ERC2: variants seen among roughly 807,000 people sequenced by gnomAD.
ERC2 encodes the protein ERC protein 2.
A neutral mutation model predicts 114.8 loss-of-function variants in ERC2; 42 were observed. The observed-to-expected ratio is 0.37, with a 90% confidence interval of 0.29 to 0.47. The LOEUF (loss-of-function observed/expected upper bound fraction) is 0.47, where lower values mean the gene tolerates loss of function less well. Among genes scored for constraint, ERC2 ranks in the 20% least tolerant of loss-of-function variants. ERC2 has a pLI of 0.99. For synonymous variants in ERC2, 454 were observed against 425.5 expected (o/e 1.07, Z -0.82); for missense variants, 939 against 1,150.7 (o/e 0.82, Z 2.66).
intron 3 of ERC2, among the ~76,000 whole-genome samples, chr3:56,273,328 T>C (rs2150301262): frequency 6.7e-6 from 1 of 148,426 alleles, no homozygotes; most frequent in African/African-American, 2.5e-5. Flanking sequence ...GTGGTGATCA[T>C]AGCTCACCTG....
intron 12 of ERC2, among the ~76,000 whole-genome samples, chr3:55,965,096 C>T (rs923640466): frequency 6.6e-6 from 1 of 152,192 alleles, no homozygotes; most frequent in Admixed American, 6.5e-5. Context: ...GCAACCATCA[C>T]CTTTGCCATA....
At chr3:55,760,731 C>T (rs186386029) in intron 14 of ERC2, among the ~76,000 whole-genome samples, 89 of 152,238 alleles carry the variant, frequency 5.8e-4, no homozygotes, top group Non-Finnish European at 2.4e-4. Flanking sequence ...GTTCAGTGCA[C>T]GTGAACACGC....
chr3:56,317,284 T>C (rs1411321342), intron 2 of ERC2, among the ~76,000 whole-genome samples: 3 of 152,064 alleles, frequency 2.0e-5, no homozygotes, highest in Non-Finnish European at 4.4e-5. Flanking sequence ...CAAAGGCACA[T>C]ATATATATAC....
At chr3:56,309,183 T>A (rs1000936257) in intron 2 of ERC2, among the ~76,000 whole-genome samples, 3 of 152,150 alleles carry the variant, frequency 2.0e-5, no homozygotes, top group African/African-American at 7.2e-5. Flanking sequence ...TCTTTTGGGG[T>A]AGAATACCCC....
At chr3:55,594,747 G>A (rs539988918) in intron 17 of ERC2, among the ~76,000 whole-genome samples, 8 of 152,154 alleles carry the variant, frequency 5.3e-5, no homozygotes, top group Non-Finnish European at 8.8e-5. Context: ...GCCTCCTAAA[G>A]TGCTAGGATT....
chr3:56,138,412 A>T (rs946646922), intron 6 of ERC2, among the ~76,000 whole-genome samples: 3 of 152,166 alleles, frequency 2.0e-5, no homozygotes, highest in African/African-American at 7.2e-5. Flanking sequence ...GACCAAGGTG[A>T]TTGTTTCGAA....
Position 56,004,623 on chromosome 3 carries a change from G to A in ERC2, c.2061+2558C>T, listed in dbSNP as rs140234297. The stretch of plus-strand genomic sequence containing the variant: ...AAGACAAAAATAAGTTTAAATCACC[G>A]TTTGGATTTCATTGCCACTGGCAGA... On this transcript the variant is annotated intron_variant, in intron 10 of 17. Coordinates refer to ENST00000288221, the MANE Select transcript of ERC2 (RefSeq NM_015576.3). Among the ~76,000 whole-genome samples, 869 of 152,028 alleles carry A rather than the reference G, an allele frequency of 5.7e-3. 3 individuals are homozygous for A. Among genetic ancestry groups the A allele is most frequent in the Non-Finnish European group, 9.7e-3 (656 of 67,916 alleles).
chr3:55,823,704 A>G (rs1035161997), intron 14 of ERC2, among the ~76,000 whole-genome samples: 5 of 151,888 alleles, frequency 3.3e-5, no homozygotes, highest in African/African-American at 1.2e-4. Flanking sequence ...TACTAAACTC[A>G]TTTTTTCTTC....
chr3:56,171,618 T>C (rs2150019340), intron 4 of ERC2, among the ~76,000 whole-genome samples: 1 of 152,308 alleles, frequency 6.6e-6, no homozygotes, highest in South Asian at 2.1e-4. Flanking sequence ...CAAGTTTCTC[T>C]GCCTTCCCAT....
intron 6 of ERC2, among the ~76,000 whole-genome samples, chr3:56,122,390 G>A (rs964800287): frequency 6.6e-6 from 1 of 152,102 alleles, no homozygotes; most frequent in Non-Finnish European, 1.5e-5. Flanking sequence ...GAGAAGGGGT[G>A]CAACTTCAGT....
chr3:55,788,693 G>A (rs1054533667), intron 14 of ERC2, among the ~76,000 whole-genome samples: 14 of 152,202 alleles, frequency 9.2e-5, no homozygotes, highest in African/African-American at 2.7e-4. Context: ...TTTCCCAGAT[G>A]TCAACATAAA....
intron 17 of ERC2, among the ~76,000 whole-genome samples, chr3:55,581,372 G>A (rs1433350457): frequency 6.6e-6 from 1 of 152,158 alleles, no homozygotes; most frequent in East Asian, 1.9e-4. Flanking sequence ...CCCTCAAGGT[G>A]AGTTTATATA....
intron 3 of ERC2, among the ~76,000 whole-genome samples, chr3:56,227,799 G>C (rs116183746): frequency 0.02 from 3,013 of 152,244 alleles, 83 homozygotes; most frequent in African/African-American, 0.063. Flanking sequence ...AATGAGCGAA[G>C]ATGTCCACCA....
intron 17 of ERC2, among the ~76,000 whole-genome samples, chr3:55,681,994 A>G (rs944160153): frequency 6.6e-6 from 1 of 151,060 alleles, no homozygotes; most frequent in Admixed American, 6.6e-5. Context: ...AAGAGCCCCA[A>G]GTAGGATCTA....
chr3:56,444,413 C>T (rs1159209794), intron 1 of ERC2, among the ~76,000 whole-genome samples: 1 of 151,948 alleles, frequency 6.6e-6, no homozygotes, highest in African/African-American at 2.4e-5. Flanking sequence ...TGCGCAACAC[C>T]CTTCACTTTA....
At chr3:55,789,176 C>T (rs966169387) in intron 14 of ERC2, among the ~76,000 whole-genome samples, 1 of 152,218 alleles carries the variant, frequency 6.6e-6, no homozygotes. Context: ...CAGATGTCCC[C>T]CGCCAATTTT....
At chr3:55,711,439 ATACT>A (rs2063773178) in intron 15 of ERC2, among the ~76,000 whole-genome samples, 1 of 152,196 alleles carries the variant, frequency 6.6e-6, no homozygotes, top group African/African-American at 2.4e-5. Context: ...ACAGACACAC[ATACT>A]TACCCTTTAC....
chr3:55,951,575 A>G (rs765788021), intron 12 of ERC2, among the ~76,000 whole-genome samples: 2 of 152,216 alleles, frequency 1.3e-5, no homozygotes, highest in Non-Finnish European at 2.9e-5. Context: ...TTAGGCAACC[A>G]TGTCCACAGC....
At chr3:55,836,498 TG>T (rs1410616629) in intron 14 of ERC2, among the ~76,000 whole-genome samples, 1 of 152,146 alleles carries the variant, frequency 6.6e-6, no homozygotes, top group African/African-American at 2.4e-5. Context: ...AAACAAGCAA[TG>T]GGGAAAGGAT....
Sources: gnomAD v4.1 joint callset for allele counts (sites outside exome capture counted in the v4.1 genomes callset) on GRCh38, gnomAD v4.1.1 for gene constraint, MANE v1.5 for transcripts, NCBI Gene and HGNC (gene_info 2026-07-23, HGNC 2026-07-21) for gene names.